Variants in SCOC observed in about 807,000 individuals in gnomAD.
The protein encoded by SCOC is short coiled coil protein.
A neutral mutation model predicts 9.9 loss-of-function variants in SCOC; 7 were observed. The ratio of observed to expected loss-of-function variants is 0.71; its 90% CI spans 0.40 to 1.33. SCOC has a LOEUF of 1.33. Among genes scored for constraint, SCOC ranks in the 40% most tolerant of loss-of-function variants. The pLI, the probability that SCOC is intolerant of heterozygous loss-of-function variation, is 0.01. For missense variants in SCOC, 66 were observed against 89.7 expected, an observed-to-expected ratio of 0.74 and a Z score of 1.07; for synonymous variants, 19 against 28.2, an observed-to-expected ratio of 0.67 and a Z score of 1.03.
At chr4:140,293,860 A>G (rs1731547461) in intron 1 of SCOC, among the ~76,000 whole-genome samples, 1 of 152,194 alleles carries the variant, frequency 6.6e-6, no homozygotes, top group Non-Finnish European at 1.5e-5. Flanking sequence ...AGGGGAGAGT[A>G]AAGCAGAGCC....
upstream of SCOC, among the ~76,000 whole-genome samples, chr4:140,341,760 T>A (rs2126509041): frequency 6.6e-6 from 1 of 152,268 alleles, no homozygotes. Context: ...ATAACTACAT[T>A]TGTACAGAGG....
rs796096962 is a variant in SCOC, at chr4:140,288,865, A to T, written c.-19+31455A>T. On this transcript the variant is annotated intron_variant, in intron 1 of 4. Coordinates refer to the SCOC transcript ENST00000394205. ...AAATGTCTATATACCCCTCATACAAAACACACCCCCATACCACATACATAC... is the reference window on the plus strand; with the variant it reads ...AAATGTCTATATACCCCTCATACAATACACACCCCCATACCACATACATAC... Among the ~76,000 whole-genome samples, 23 of 151,964 alleles carry T rather than the reference A, an allele frequency of 1.5e-4. No homozygotes were observed. The South Asian group carries it at 4.8e-3, about 32-fold the overall frequency.
intron 1 of SCOC, among the ~76,000 whole-genome samples, chr4:140,258,247 A>G (rs978314749): frequency 6.6e-6 from 1 of 152,208 alleles, no homozygotes; most frequent in Non-Finnish European, 1.5e-5. Context: ...TGAGATGTTT[A>G]TTAGGTAGTT....
intron 1 of SCOC, among the ~76,000 whole-genome samples, chr4:140,270,771 T>C (rs1730827056): frequency 6.6e-6 from 1 of 152,056 alleles, no homozygotes; most frequent in Non-Finnish European, 1.5e-5. Flanking sequence ...TCTCTAGGAG[T>C]TGGCTAGTTT....
chr4:140,333,141 G>A (rs1355486308), intron 1 of SCOC, among the ~76,000 whole-genome samples: 1 of 152,110 alleles, frequency 6.6e-6, no homozygotes, highest in South Asian at 2.1e-4. Context: ...TTCTGCCAGC[G>A]TTCTTCCTTC....
At chr4:140,332,003 G>GGAGCA (rs200995569) in intron 1 of SCOC, among the ~76,000 whole-genome samples, 24,830 of 132,346 alleles carry the variant, frequency 0.19, 2,304 homozygotes, top group African/African-American at 0.28. Context: ...TTACATGGCA[G>GGAGCA]GAGCAGGAGG....
chr4:140,301,772 C>T (rs1025736096), intron 1 of SCOC, among the ~76,000 whole-genome samples: 2 of 152,232 alleles, frequency 1.3e-5, no homozygotes, highest in African/African-American at 2.4e-5. Context: ...CATGGAATTA[C>T]ACAATCACTT....
At chr4:140,326,986 C>T (rs770930208) in intron 1 of SCOC, among the ~76,000 whole-genome samples, 29 of 152,170 alleles carry the variant, frequency 1.9e-4, no homozygotes, top group Admixed American at 3.9e-4. Context: ...CTAATGATTA[C>T]ACAAACATCA....
At chr4:140,259,025 G>T (rs1459458875) in intron 1 of SCOC, among the ~76,000 whole-genome samples, 3 of 152,198 alleles carry the variant, frequency 2.0e-5, no homozygotes, top group Non-Finnish European at 2.9e-5. Flanking sequence ...AAGTGGAATT[G>T]GACGTCTCTT....
At chr4:140,261,380 A>C (rs1730629230) in intron 1 of SCOC, among the ~76,000 whole-genome samples, 1 of 152,194 alleles carries the variant, frequency 6.6e-6, no homozygotes, top group Non-Finnish European at 1.5e-5. Context: ...TCAGTCAACT[A>C]TGTCTTACTG....
At chr4:140,316,632 C>T (rs983138001) in intron 1 of SCOC, among the ~76,000 whole-genome samples, 2 of 152,046 alleles carry the variant, frequency 1.3e-5, no homozygotes, top group African/African-American at 4.8e-5. Context: ...TTCAGAATCA[C>T]CTGGGGATTT....
chr4:140,364,919 G>A (rs1186558524), intron 2 of SCOC, among the ~76,000 whole-genome samples: 2 of 152,086 alleles, frequency 1.3e-5, no homozygotes, highest in Non-Finnish European at 2.9e-5. Flanking sequence ...GAACCCTTAA[G>A]CCTTATTACA....
chr4:140,302,187 G>A (rs919164767), intron 1 of SCOC, among the ~76,000 whole-genome samples: 5 of 152,112 alleles, frequency 3.3e-5, no homozygotes, highest in South Asian at 2.1e-4. Context: ...AGGAACATGC[G>A]TTTGATTTCT....
chr4:140,316,107 T>C (rs1272380521), intron 1 of SCOC, among the ~76,000 whole-genome samples: 2 of 152,142 alleles, frequency 1.3e-5, no homozygotes, highest in Non-Finnish European at 2.9e-5. Context: ...CACAACTCTG[T>C]TATGATAATG....
At chr4:140,358,248 G>A (rs765005645) in intron 2 of SCOC, among the ~76,000 whole-genome samples, 1 of 152,174 alleles carries the variant, frequency 6.6e-6, no homozygotes, top group Non-Finnish European at 1.5e-5. Flanking sequence ...ATAACTTTGA[G>A]TTTACGCACT....
intron 1 of SCOC, among the ~76,000 whole-genome samples, chr4:140,270,260 A>G (rs962080905): frequency 5.9e-5 from 9 of 152,200 alleles, no homozygotes. Context: ...TAGGCTAATG[A>G]TTCTCAGAGT....
chr4:140,334,779 C>T (rs954818766), intron 1 of SCOC, among the ~76,000 whole-genome samples: 1 of 152,074 alleles, frequency 6.6e-6, no homozygotes, highest in African/African-American at 2.4e-5. Context: ...TACCATTCTA[C>T]TCTCTGATTC....
At chr4:140,283,708 T>A (rs1731150524) in intron 1 of SCOC, 1 of 152,218 alleles carries the variant, frequency 6.6e-6, no homozygotes, top group Admixed American at 6.5e-5. Flanking sequence ...TGGCCTTGGA[T>A]AAAAAGACTC....
intron 1 of SCOC, among the ~76,000 whole-genome samples, chr4:140,275,394 A>T (rs1170762670): frequency 6.6e-6 from 1 of 152,218 alleles, no homozygotes; most frequent in Non-Finnish European, 1.5e-5. Flanking sequence ...AGACTTTGCC[A>T]TAGATGTATG....
Sources: allele counts gnomAD v4.1 joint callset (sites outside exome capture counted in the v4.1 genomes callset), GRCh38; gene constraint gnomAD v4.1.1; transcripts MANE v1.5; gene names NCBI Gene and HGNC (gene_info 2026-07-23, HGNC 2026-07-21).